ERC2: variants seen among roughly 807,000 people sequenced by gnomAD.
The protein encoded by ERC2 is ELKS/RAB6-interacting/CAST family member 2.
In ERC2, 42 loss-of-function variants were observed where a neutral mutation model predicts 114.8. The observed-to-expected ratio is 0.37, with a 90% confidence interval of 0.29 to 0.47. ERC2 has a LOEUF of 0.47. Ranked by LOEUF, ERC2 falls within the 20% of genes least tolerant of loss-of-function variation. The pLI is 0.99. For synonymous variants in ERC2, 454 were observed against 425.5 expected, an observed-to-expected ratio of 1.07 and a Z score of -0.82; for missense variants, 939 against 1,150.7, an observed-to-expected ratio of 0.82 and a Z score of 2.66.
chr3:55,697,299 A>G (rs968930748), intron 16 of ERC2, among the ~76,000 whole-genome samples: 8 of 152,178 alleles, frequency 5.3e-5, no homozygotes, highest in African/African-American at 1.7e-4. Context: ...CTCTATGTCC[A>G]TGGGTTGCTT....
intron 15 of ERC2, among the ~76,000 whole-genome samples, chr3:55,714,334 G>A (rs933692838): frequency 6.6e-6 from 1 of 152,034 alleles, no homozygotes; most frequent in African/African-American, 2.4e-5. Flanking sequence ...AAAAAATGTT[G>A]GAGAAGAACA....
At chr3:56,132,651 T>C (rs2080273646) in intron 6 of ERC2, among the ~76,000 whole-genome samples, 1 of 151,684 alleles carries the variant, frequency 6.6e-6, no homozygotes, top group Non-Finnish European at 1.5e-5. Context: ...AAAAAGCATT[T>C]AATTTTTTTT....
intron 3 of ERC2, among the ~76,000 whole-genome samples, chr3:56,265,062 A>G (rs541885398): frequency 2.6e-5 from 4 of 152,330 alleles, no homozygotes; most frequent in African/African-American, 4.8e-5. Flanking sequence ...CATAATCTCT[A>G]TTAACATTCC....
chr3:56,191,291 A>G (rs919962396), intron 3 of ERC2, among the ~76,000 whole-genome samples: 48 of 152,194 alleles, frequency 3.2e-4, no homozygotes, highest in African/African-American at 1.1e-3. Flanking sequence ...AGCAAGAGGT[A>G]TAGAGTCCTC....
chr3:55,969,526 C>T (rs569769987), intron 12 of ERC2, among the ~76,000 whole-genome samples: 1 of 152,256 alleles, frequency 6.6e-6, no homozygotes, highest in African/African-American at 2.4e-5. Context: ...CTGAAGAACA[C>T]ATAGCATCAC....
At chr3:55,638,466 G>A (rs1008498224) in intron 17 of ERC2, among the ~76,000 whole-genome samples, 7 of 152,180 alleles carry the variant, frequency 4.6e-5, no homozygotes, top group Admixed American at 1.3e-4. Flanking sequence ...TTGGCATTAC[G>A]TCAGTGAATT....
chr3:56,340,721 CTT>C (rs747405479), intron 2 of ERC2, among the ~76,000 whole-genome samples: 3 of 152,108 alleles, frequency 2.0e-5, no homozygotes, highest in African/African-American at 4.8e-5. Context: ...ACCAAGGAAA[CTT>C]TTTAATAGTA....
At position 55,601,530 on chromosome 3, in the gene ERC2, C is replaced by T. The variant is rs1442107016; in HGVS notation, c.*39+82264G>A. 3.0e-4 allele frequency among the ~76,000 whole-genome samples: 46 copies of T among 152,290 alleles called. 1 individual carries two copies. The highest frequency in any genetic ancestry group is 2.9e-3 in the Admixed American group (45 of 15,296). On this transcript the variant is annotated intron_variant, in intron 17 of 17. Transcript: ENST00000288221. ...ACACTGGTTGTGTGCAAACAACCAG[C>T]GAGCTGTCCTTCGGCACTGTAAAAT...
intron 6 of ERC2, among the ~76,000 whole-genome samples, chr3:56,127,839 A>C (rs1244198008): frequency 6.6e-6 from 1 of 152,174 alleles, no homozygotes; most frequent in Non-Finnish European, 1.5e-5. Context: ...ACTGATTTTC[A>C]ACAAAGATAC....
chr3:56,155,541 C>T (rs1352011), intron 4 of ERC2, among the ~76,000 whole-genome samples: 138,851 of 151,958 alleles, frequency 0.91, 63,892 homozygotes, highest in East Asian at 1. Context: ...TTTCTGTTAC[C>T]TATAACAGAA....
At chr3:55,962,382 T>C (rs749080442) in intron 12 of ERC2, among the ~76,000 whole-genome samples, 2 of 152,254 alleles carry the variant, frequency 1.3e-5, no homozygotes, top group Admixed American at 6.5e-5. Context: ...TACTTTCTCA[T>C]GTAGTACAAA....
At chr3:56,134,924 TTTTTTG>T (rs202091525) in intron 6 of ERC2, among the ~76,000 whole-genome samples, 6,543 of 148,914 alleles carry the variant, frequency 0.044, 153 homozygotes, top group Middle Eastern at 0.072. Flanking sequence ...TTTTTTGTTT[TTTTTTG>T]TTTTTGTTTT....
chr3:55,863,338 A>C (rs949142442), intron 14 of ERC2, among the ~76,000 whole-genome samples: 1 of 152,172 alleles, frequency 6.6e-6, no homozygotes, highest in Non-Finnish European at 1.5e-5. Context: ...TATTTTGATA[A>C]AGCGATGACA....
intron 17 of ERC2, among the ~76,000 whole-genome samples, chr3:55,645,279 A>G (rs2060346345): frequency 1.3e-5 from 2 of 152,192 alleles, no homozygotes; most frequent in African/African-American, 4.8e-5. Flanking sequence ...AGGTTGTGTG[A>G]GGGCACCACG....
chr3:56,146,842 C>A (rs903399781), intron 5 of ERC2, among the ~76,000 whole-genome samples: 16 of 152,166 alleles, frequency 1.1e-4, no homozygotes, highest in African/African-American at 3.9e-4. Flanking sequence ...CACTACTTTC[C>A]TCAAACATTC....
intron 10 of ERC2, among the ~76,000 whole-genome samples, chr3:55,994,292 T>C (rs1414312316): frequency 6.6e-6 from 1 of 152,140 alleles, no homozygotes; most frequent in Non-Finnish European, 1.5e-5. Flanking sequence ...TTAAAACTCC[T>C]TTCCTGATGC....
chr3:56,157,556 T>A (rs562806147), intron 4 of ERC2, among the ~76,000 whole-genome samples: 7 of 152,276 alleles, frequency 4.6e-5, no homozygotes, highest in Non-Finnish European at 1.0e-4. Context: ...ATCTGACCAC[T>A]CCATTTCTCT....
chr3:55,598,616 A>T (rs1021264418), intron 17 of ERC2, among the ~76,000 whole-genome samples: 2 of 152,264 alleles, frequency 1.3e-5, no homozygotes, highest in African/African-American at 4.8e-5. Flanking sequence ...CCTGCCTTCC[A>T]TAGCCCTTCC....
At chr3:56,286,884 T>C (rs2054760114) in intron 3 of ERC2, among the ~76,000 whole-genome samples, 1 of 152,210 alleles carries the variant, frequency 6.6e-6, no homozygotes, top group East Asian at 1.9e-4. Flanking sequence ...TCACTCACCT[T>C]TCTTTTTCCT....
Sources: gnomAD v4.1 joint callset for allele counts (sites outside exome capture counted in the v4.1 genomes callset) on GRCh38, gnomAD v4.1.1 for gene constraint, MANE v1.5 for transcripts, NCBI Gene and HGNC (gene_info 2026-07-23, HGNC 2026-07-21) for gene names.